The following DDX19A variants were observed in gnomAD, a reference collection of about 807,000 sequenced individuals.
DDX19A encodes ATP-dependent RNA helicase DDX19A.
DDX19A carries 12 observed loss-of-function variants against 60.6 expected under a neutral mutation model. The ratio of observed to expected loss-of-function variants is 0.20; its 90% CI spans 0.13 to 0.32. The LOEUF is 0.32. DDX19A is among the 10% of genes least tolerant of loss of function. The pLI is 1.00. For missense variants in DDX19A, 337 were observed against 600.6 expected, an observed-to-expected ratio of 0.56 and a Z score of 4.59; for synonymous variants, 206 against 218.2, an observed-to-expected ratio of 0.94 and a Z score of 0.49.
At chr16:70,352,158 G>A (rs1964034363) in intron 2 of DDX19A, among the ~76,000 whole-genome samples, 1 of 152,196 alleles carries the variant, frequency 6.6e-6, no homozygotes, top group African/African-American at 2.4e-5. Context: ...GCAAATATAA[G>A]TGTAGATTCT....
chr16:70,347,853 GCTAATT>G (rs1462842738), intron 1 of DDX19A: 1 of 277,764 alleles, frequency 3.6e-6, no homozygotes, highest in East Asian at 1.4e-4. Flanking sequence ...ACCACGCCCG[GCTAATT>G]TTGTATTTTT....
At chr16:70,361,040 A>C (rs1015156782) in intron 4 of DDX19A, 1 of 232,516 alleles carries the variant, frequency 4.3e-6, no homozygotes, top group African/African-American at 2.4e-5. Context: ...ACTGTACCTG[A>C]CCTGTTTTTA....
chr16:70,350,484 GTT>G (rs1297991224), intron 1 of DDX19A, 71 bp from the exon 2 acceptor site: 2 of 1,189,796 alleles, frequency 1.7e-6, no homozygotes, highest in Non-Finnish European at 2.4e-6. Context: ...TTACTAGAAA[GTT>G]TTTCTTTTCT....
rs2047281252 is a variant in DDX19A, at chr16:70,372,072, C to T, written c.*86C>T. On this transcript the variant is annotated 3_prime_UTR_variant, in exon 12 of 12. Transcript: ENST00000302243. ...TTTAGGGCACAGGCCCCGACATCAC[C>T]CCAAGGACAACGGCAGAAGTAGAGA... 6.3e-7 allele frequency: 1 copy of T among 1,599,194 alleles called. No individual in the cohort carries two copies. Among genetic ancestry groups the T allele is most frequent in the African/African-American group, 1.3e-5 (1 of 74,510 alleles).
intron 2 of DDX19A, among the ~76,000 whole-genome samples, chr16:70,353,511 A>C (rs1378075803): frequency 1.3e-5 from 2 of 152,098 alleles, no homozygotes; most frequent in African/African-American, 4.8e-5. Flanking sequence ...CGGGCAGATC[A>C]TGAGGTCAGC....
intron 10 of DDX19A, chr16:70,370,696 CA>C (rs1210382807): frequency 0.031 from 6,453 of 207,154 alleles, no homozygotes; most frequent in South Asian, 0.048. Context: ...ACTCTGTCTC[CA>C]AAAAAAAAAA....
At chr16:70,371,128 C>T (rs901334600) in intron 10 of DDX19A, 2 of 663,808 alleles carry the variant, frequency 3.0e-6, no homozygotes, top group African/African-American at 1.8e-5. Context: ...ATCTCCAGAA[C>T]ATTGTGTCTC....
chr16:70,355,688 G>A (rs1206213506), intron 3 of DDX19A, 153 bp downstream of exon 3: 11 of 669,562 alleles, frequency 1.6e-5, no homozygotes, highest in East Asian at 1.6e-4. Flanking sequence ...AAGTCCGAAA[G>A]CGGTAGCTCA....
chr16:70,364,496 C>A, intron 5 of DDX19A, 47 bp from the exon 6 acceptor site: 1 of 1,410,288 alleles, frequency 7.1e-7, no homozygotes, highest in South Asian at 1.2e-5. Context: ...TGACATGTTA[C>A]TGAGTTTCAC....
intron 1 of DDX19A, among the ~76,000 whole-genome samples, chr16:70,347,560 C>T (rs1305724513): frequency 6.6e-6 from 1 of 152,194 alleles, no homozygotes. Context: ...GTTTCATGTA[C>T]TTGTTCTTTC....
At chr16:70,347,158 GC>G (rs755002239) in intron 1 of DDX19A, 110 bp downstream of exon 1, 1 of 1,085,532 alleles carries the variant, frequency 9.2e-7, no homozygotes, top group Non-Finnish European at 1.4e-6. Context: ...ACGCGCTCCT[GC>G]AGTTTGCTAG....
chr16:70,357,404 A>G (rs1964246142), intron 4 of DDX19A, among the ~76,000 whole-genome samples: 1 of 19,774 alleles, frequency 5.1e-5, no homozygotes, highest in African/African-American at 1.9e-4. Flanking sequence ...TTTTTTTTTG[A>G]GACCAAGTCG....
In DDX19A at chr16:70,371,553, G is replaced by C; in HGVS notation, c.1365G>C (p.Gln455His). The change falls in exon 11 of 12, where the codon CAG (glutamine) becomes CAC (histidine). Residue 455 changes from glutamine (Q) to histidine (H), a missense_variant. Gln to His is a conservative substitution (Grantham distance 24). Transcript: ENST00000302243. ...KHSMNILNRI[Q>H]EHFNKKIERL... ...GCATGAACATCCTGAACAGAATCCA[G>C]GAGCATTTTAGTGAGTCCCGGGGAG... is the stretch of plus-strand genomic sequence containing the variant. 6.7e-7 allele frequency: 1 copy of C among 1,486,288 alleles called. No individual in the cohort carries two copies. The highest frequency in any genetic ancestry group is 2.5e-5 in the East Asian group (1 of 40,696). The allele number at this position is 1,486,288 out of a possible 1,614,324, so 92.1% of individuals were successfully genotyped here.
At chr16:70,347,124 C>T (rs1367545228) in intron 1 of DDX19A, 76 bp downstream of exon 1, 4 of 1,483,316 alleles carry the variant, frequency 2.7e-6, no homozygotes, top group African/African-American at 1.4e-5. Context: ...AGGGAGCTCC[C>T]CGGGTTGGGG....
intron 9 of DDX19A, among the ~76,000 whole-genome samples, chr16:70,367,390 G>A (rs1407713759): frequency 6.6e-6 from 1 of 151,100 alleles, no homozygotes; most frequent in Non-Finnish European, 1.5e-5. Flanking sequence ...ATCACACCAC[G>A]GCACTCCAGC....
chr16:70,370,204 AT>A lies in DDX19A; in HGVS notation c.1021-17del, dbSNP rs1567658390. The A allele has an allele frequency of 6.2e-7, 1 of 1,603,760 alleles. No homozygotes were observed. The highest frequency in any genetic ancestry group is 8.5e-7 in the Non-Finnish European group (1 of 1,177,166). ...TATACTCAAATACTTTCATTTCTCAATTGTTTTTTTTCTTCCAGACTCGCAA... is the reference window on the plus strand; with the variant it reads ...TATACTCAAATACTTTCATTTCTCAATGTTTTTTTTCTTCCAGACTCGCAA... On this transcript the variant is annotated intron_variant, in intron 9 of 11. Coordinates refer to ENST00000302243, the MANE Select transcript of DDX19A (RefSeq NM_018332.5).
chr16:70,372,255 A>G lies in DDX19A; in HGVS notation c.*269A>G. 1.8e-6 allele frequency: 1 copy of G among 553,770 alleles called. No homozygotes were observed. Among genetic ancestry groups the G allele is most frequent in the East Asian group, 3.2e-5 (1 of 31,280 alleles). 34.3% of individuals were successfully genotyped at this position (553,770 alleles called of 1,614,324 possible). ...CCCATCTTTATAATAATCTGGTCAC[A>G]GTGGTAGTCGCTGGCCCCAGGACCC... On this transcript the variant is annotated 3_prime_UTR_variant, in exon 12 of 12. Transcript: ENST00000302243.
At chr16:70,360,280 C>CAAAAAAA (rs570664065) in intron 4 of DDX19A, among the ~76,000 whole-genome samples, 4 of 141,060 alleles carry the variant, frequency 2.8e-5, no homozygotes, top group Non-Finnish European at 3.1e-5. Context: ...GACTCCATCT[C>CAAAAAAA]AAAAAAAAAA....
At chr16:70,362,465 A>G (rs1332193517) in intron 5 of DDX19A, among the ~76,000 whole-genome samples, 2 of 152,196 alleles carry the variant, frequency 1.3e-5, no homozygotes, top group African/African-American at 4.8e-5. Flanking sequence ...AAAGGTGTAA[A>G]GAACAATACC....
Sources: gnomAD v4.1 joint callset for allele counts (sites outside exome capture counted in the v4.1 genomes callset) on GRCh38, gnomAD v4.1.1 for gene constraint, MANE v1.5 for transcripts, NCBI Gene and HGNC (gene_info 2026-07-23, HGNC 2026-07-21) for gene names.